ZNF577: variants seen among roughly 807,000 people sequenced by gnomAD.
ZNF577 encodes the protein zinc finger protein 577.
Under a neutral mutation model 13.9 loss-of-function variants are expected in ZNF577, and 14 were observed. That is an observed-to-expected ratio of 1.00 (90% CI 0.66 to 1.57). ZNF577 has a LOEUF of 1.57. ZNF577 is among the 40% of genes most tolerant of loss of function. The probability of loss-of-function intolerance (pLI) is 0.00; values close to 1 mark genes in which losing one functional copy is unlikely to be tolerated. For missense variants in ZNF577, 555 were observed against 579.2 expected (o/e 0.96, Z 0.43); for synonymous variants, 203 against 202.9 (o/e 1.00, Z 0.00).
chr19:51,824,781 C>T lies in ZNF577; in HGVS notation c.*600-13107G>A. ...CACAGACACCACTTCTGCTTCACCTCCTGAGGAGACGGAGTTACAAGCAAT... is the reference window on the plus strand; with the variant it reads ...CACAGACACCACTTCTGCTTCACCTTCTGAGGAGACGGAGTTACAAGCAAT... On this transcript the variant is annotated intron_variant and NMD_transcript_variant, in intron 9 of 10. Coordinates refer to the ZNF577 transcript ENST00000638827. The surrounding 1 kb of genome is among the most constrained non-coding windows in gnomAD (Gnocchi z 4.7). 1 of 1,613,180 alleles carries T rather than the reference C, an allele frequency of 6.2e-7. No homozygotes were observed. The highest frequency in any genetic ancestry group is 1.1e-5 in the South Asian group (1 of 91,006).
rs747242544 is a variant in ZNF577, at chr19:51,824,142, T to C, written c.*600-12468A>G. ...CTGTATTTGTGTCCTGCATCCAGCC[T>C]GGGCCCAGAACCATCGCACCATGAG... On this transcript the variant is annotated intron_variant and NMD_transcript_variant, in intron 9 of 10. Transcript: ENST00000638827. This position sits in a 1 kb window ranked among gnomAD's most constrained non-coding sequence, Gnocchi z 4.7. The C allele has an allele frequency of 9.3e-6, 15 of 1,613,920 alleles. 1 individual carries two copies. In the South Asian group the frequency reaches 1.5e-4, roughly 17 times the overall value.
rs761410857 is a variant in ZNF577, at chr19:51,873,683, A to G, written c.307T>C (p.Tyr103His). The change falls in exon 6 of 6, where the codon TAT (tyrosine) becomes CAT (histidine). Residue 103 changes from tyrosine (Y) to histidine (H), a missense_variant. Physicochemically the swap from Tyr to His is moderately conservative, Grantham distance 83. Coordinates refer to ENST00000638348, the MANE Select transcript of ZNF577 (RefSeq NM_001370449.1). ...AATGCATCAGAATCTTTTCCTGCAT[A>G]TCTTCTACTCTGGATTACAAAACCT... ...CPGFVIQSRR[Y>H]AGKDSDAFGG... 34 of 1,612,556 alleles carry G rather than the reference A, an allele frequency of 2.1e-5. No homozygotes were observed. Among genetic ancestry groups the G allele is most frequent in the Non-Finnish European group, 2.9e-5 (34 of 1,179,240 alleles).
intron 9 of ZNF577, among the ~76,000 whole-genome samples, chr19:51,837,599 AAGTC>A (rs1029603639): frequency 6.6e-6 from 1 of 152,238 alleles, no homozygotes; most frequent in African/African-American, 2.4e-5. Context: ...TAAGTGCACA[AAGTC>A]AGACACAAAA....
At chr19:51,811,087 T>C (rs112383017) in intron 10 of ZNF577, among the ~76,000 whole-genome samples, 8 of 149,366 alleles carry the variant, frequency 5.4e-5, no homozygotes, top group African/African-American at 1.7e-4. Flanking sequence ...TTCAGATTTT[T>C]AGATTCAGCC....
chr19:51,852,222 T>C (rs759992293), intron 5 of ZNF577, among the ~76,000 whole-genome samples: 4 of 152,186 alleles, frequency 2.6e-5, no homozygotes, highest in Non-Finnish European at 4.4e-5. Context: ...CTGCAGGAGG[T>C]AGCCATCTTG....
In ZNF577 at chr19:51,875,061, A is replaced by C. The variant is rs555941256; in HGVS notation, c.284-1355T>G. On this transcript the variant is annotated intron_variant, in intron 5 of 5. Transcript: ENST00000638348. Reference sequence around the variant, plus strand: ...CTAAGTTAGTGCAGCATAGACACAAAGGAGATAAAAGTCAGAAAAGAGGGT... The same window carrying C: ...CTAAGTTAGTGCAGCATAGACACAACGGAGATAAAAGTCAGAAAAGAGGGT... Among the ~76,000 whole-genome samples the C allele has an allele frequency of 9.9e-5, 15 of 152,194 alleles. No individual in the cohort carries two copies. In the South Asian group the frequency reaches 2.7e-3, roughly 27 times the overall value.
intron 9 of ZNF577, among the ~76,000 whole-genome samples, chr19:51,813,119 AACACACAC>A (rs35245083): frequency 0.039 from 5,301 of 137,198 alleles, 169 homozygotes; most frequent in African/African-American, 0.1. Flanking sequence ...GCTCTGTCTC[AACACACAC>A]ACACACACAC....
At chr19:51,848,503 A>T (rs1213790829) in intron 5 of ZNF577, among the ~76,000 whole-genome samples, 1 of 152,216 alleles carries the variant, frequency 6.6e-6, no homozygotes, top group Non-Finnish European at 1.5e-5. Context: ...ACTGAGAAAG[A>T]TGGAGATTAG....
At chr19:51,820,521 T>C (rs1380786078) in intron 9 of ZNF577, among the ~76,000 whole-genome samples, 1 of 152,212 alleles carries the variant, frequency 6.6e-6, no homozygotes, top group Non-Finnish European at 1.5e-5. Flanking sequence ...ATCCAAAATT[T>C]TACAACATTG....
chr19:51,878,190 A>G, intron 4 of ZNF577, 199 bp downstream of exon 4: 1 of 400,352 alleles, frequency 2.5e-6, no homozygotes, highest in Non-Finnish European at 4.4e-6. Flanking sequence ...GCTGCATAAC[A>G]CTATGTGCGC....
At chr19:51,876,710 G>T (rs2084769942) in intron 5 of ZNF577, among the ~76,000 whole-genome samples, 2 of 152,086 alleles carry the variant, frequency 1.3e-5, no homozygotes, top group Non-Finnish European at 2.9e-5. Flanking sequence ...GGTGGTTCAT[G>T]AGGTCAGGAG....
Position 51,880,308 on chromosome 19 carries a change from C to T in ZNF577, c.60+15G>A. 3 of 1,613,364 alleles carry T rather than the reference C, an allele frequency of 1.9e-6. No individual in the cohort carries two copies. Among genetic ancestry groups the T allele is most frequent in the Non-Finnish European group, 2.5e-6 (3 of 1,179,472 alleles). ...AAAGAAGTTTCTCAAGCTCTCACAG[C>T]AATGACAAATTTACCTCCCCTGAAG... On this transcript the variant is annotated intron_variant, in intron 3 of 5. Coordinates refer to ENST00000638348, the MANE Select transcript of ZNF577 (RefSeq NM_001370449.1).
intron 5 of ZNF577, among the ~76,000 whole-genome samples, chr19:51,852,728 G>A (rs1227174270): frequency 6.6e-6 from 1 of 152,148 alleles, no homozygotes. Flanking sequence ...AGGACTTCTG[G>A]AATGCTCCAT....
intron 1 of ZNF577, among the ~76,000 whole-genome samples, chr19:51,881,416 T>C (rs1268971164): frequency 6.6e-6 from 1 of 152,236 alleles, no homozygotes; most frequent in Non-Finnish European, 1.5e-5. Context: ...ACTGTCTTAC[T>C]AATCATACAA....
chr19:51,841,988 A>G (rs1197204159), intron 8 of ZNF577, among the ~76,000 whole-genome samples: 1 of 152,232 alleles, frequency 6.6e-6, no homozygotes, highest in African/African-American at 2.4e-5. Context: ...CTGCAGATAC[A>G]CAGTGTAAGT....
rs2084605866 is a variant in ZNF577 at position 51,868,714 on chromosome 19, G to A, written c.*3818C>T. Among the ~76,000 whole-genome samples the A allele has an allele frequency of 6.6e-6, 1 of 152,118 alleles. No homozygotes were observed. Among genetic ancestry groups the A allele is most frequent in the Non-Finnish European group, 1.5e-5 (1 of 68,042 alleles). The stretch of plus-strand genomic sequence containing the variant: ...GATAGAATTCACTCATGTGTGTGGG[G>A]GAAAGAAAGATAGATCAGACTGCTA... On this transcript the variant is annotated 3_prime_UTR_variant, in exon 6 of 6. Coordinates refer to ENST00000638348, the MANE Select transcript of ZNF577 (RefSeq NM_001370449.1).
intron 5 of ZNF577, among the ~76,000 whole-genome samples, chr19:51,858,021 T>A (rs1490808784): frequency 6.6e-6 from 1 of 152,086 alleles, no homozygotes; most frequent in African/African-American, 2.4e-5. Flanking sequence ...TGAAGGCCTA[T>A]CTTTGAATTC....
chr19:51,851,993 C>G (rs1427142501), intron 5 of ZNF577, among the ~76,000 whole-genome samples: 1 of 152,204 alleles, frequency 6.6e-6, no homozygotes, highest in East Asian at 1.9e-4. Context: ...TCCAGCAGTT[C>G]ACAGAAACTG....
At chr19:51,811,008 G>A (rs1449935819) in intron 10 of ZNF577, among the ~76,000 whole-genome samples, 1 of 152,174 alleles carries the variant, frequency 6.6e-6, no homozygotes, top group East Asian at 1.9e-4. Flanking sequence ...AGGCTGTATA[G>A]GCCAATTTTT....
Sources: allele counts gnomAD v4.1 joint callset (sites outside exome capture counted in the v4.1 genomes callset), GRCh38; gene constraint gnomAD v4.1.1; non-coding constraint Gnocchi (gnomAD v3.1); transcripts MANE v1.5; gene names NCBI Gene and HGNC (gene_info 2026-07-23, HGNC 2026-07-21).